The following CCDC15 variants were observed in gnomAD, a reference collection of about 807,000 sequenced individuals.
The protein encoded by CCDC15 is coiled-coil domain-containing protein 15.
In CCDC15, 105 loss-of-function variants were observed where a neutral mutation model predicts 114.5. The ratio of observed to expected loss-of-function variants is 0.92; its 90% CI spans 0.78 to 1.08. The LOEUF is 1.08. Ranked by LOEUF, CCDC15 falls within the 50% of genes least tolerant of loss-of-function variation. The probability of loss-of-function intolerance (pLI) is 0.00; values close to 1 mark genes in which losing one functional copy is unlikely to be tolerated. For missense variants in CCDC15, 1,105 were observed against 1,093.6 expected (o/e 1.01, Z -0.15); for synonymous variants, 334 against 377.8 (o/e 0.88, Z 1.34).
intron 4 of CCDC15, among the ~76,000 whole-genome samples, chr11:124,970,979 A>G (rs2135450714): frequency 6.6e-6 from 1 of 152,282 alleles, no homozygotes; most frequent in South Asian, 2.1e-4. Context: ...TGGTGTGCAG[A>G]AGACATTGCA....
chr11:125,006,977 G>A (rs1948557299), intron 13 of CCDC15, among the ~76,000 whole-genome samples: 1 of 152,004 alleles, frequency 6.6e-6, no homozygotes, highest in African/African-American at 2.4e-5. Flanking sequence ...ATATTTATGG[G>A]ATACATGTAA....
At chr11:125,013,038 A>G (rs1266294057) in intron 13 of CCDC15, among the ~76,000 whole-genome samples, 1 of 152,218 alleles carries the variant, frequency 6.6e-6, no homozygotes, top group African/African-American at 2.4e-5. Flanking sequence ...TATGTAAAGT[A>G]CTTAACATTG....
In CCDC15 at chr11:124,988,072, C is replaced by A; in HGVS notation, c.1846C>A (p.Leu616Ile). The change falls in exon 8 of 16, where the codon CTC becomes ATC. Residue 616 changes from leucine to isoleucine, a missense_variant. Coordinates refer to ENST00000344762, the MANE Select transcript of CCDC15 (RefSeq NM_025004.3). The stretch of plus-strand genomic sequence containing the variant: ...TTTTCTACCCAGAGACCTGCATGTT[C>A]TCTCCAACGACCAGAATATTCTACC... Reference protein sequence around the residue: ...RDFLPRDLHVLSNDQNILPKC... With the variant: ...RDFLPRDLHVISNDQNILPKC... 1.9e-6 allele frequency: 3 copies of A among 1,613,972 alleles called. No homozygotes were observed. The South Asian group carries it at 3.3e-5, about 18-fold the overall frequency.
intron 3 of CCDC15, 88 bp from the exon 4 acceptor site, chr11:124,959,727 T>TAAAAAAAAAAG: frequency 1.3e-6 from 1 of 766,206 alleles, no homozygotes; most frequent in Non-Finnish European, 1.8e-6. Flanking sequence ...CACCCCAATT[T>TAAAAAAAAAAG]AAAATCTTCT....
In CCDC15 at chr11:124,982,449, A is replaced by T. The variant is rs566960723; in HGVS notation, c.754-4293A>T. Among the ~76,000 whole-genome samples the T allele has an allele frequency of 9.2e-5, 14 of 151,834 alleles. No homozygotes were observed. In the East Asian group the frequency reaches 2.5e-3, roughly 27 times the overall value. On this transcript the variant is annotated intron_variant, in intron 6 of 15. Transcript: ENST00000344762. ...ATAGTCTTTCCTTTCCATATTTAGC[A>T]CTCTCTGCAGCACCTCTTGTAAGGC...
At chr11:125,038,652 G>A in intron 14 of CCDC15, 48 bp downstream of exon 14, 1 of 1,400,914 alleles carries the variant, frequency 7.1e-7, no homozygotes, top group African/African-American at 1.5e-5. Context: ...AAGAGACTTG[G>A]TAGAACTCAT....
At chr11:125,025,674 A>G (rs1948697474) in intron 13 of CCDC15, among the ~76,000 whole-genome samples, 1 of 151,900 alleles carries the variant, frequency 6.6e-6, no homozygotes, top group East Asian at 1.9e-4. Context: ...AGAATTTGTC[A>G]TTTCATCTAA....
rs114131142 is a variant in CCDC15 at position 124,985,990 on chromosome 11, C to T, written c.754-752C>T. Among the ~76,000 whole-genome samples, 902 of 152,020 alleles carry T rather than the reference C, an allele frequency of 5.9e-3. 15 individuals are homozygous for T. Among genetic ancestry groups the T allele is most frequent in the African/African-American group, 0.02 (815 of 41,502 alleles). On this transcript the variant is annotated intron_variant, in intron 6 of 15. Coordinates refer to ENST00000344762, the MANE Select transcript of CCDC15 (RefSeq NM_025004.3). Reference sequence around the variant, plus strand: ...TCTTTTAAGATTTTATAGTTTTTAGCTCTTAATTTTAGGTCTGTGATCCAT... The same window carrying T: ...TCTTTTAAGATTTTATAGTTTTTAGTTCTTAATTTTAGGTCTGTGATCCAT...
intron 12 of CCDC15, among the ~76,000 whole-genome samples, chr11:125,004,607 A>G (rs1948529970): frequency 6.6e-6 from 1 of 152,080 alleles, no homozygotes; most frequent in African/African-American, 2.4e-5. Context: ...CAGATCACAC[A>G]CAGTCTAGTA....
intron 13 of CCDC15, among the ~76,000 whole-genome samples, chr11:125,009,227 C>A (rs1948573085): frequency 7.2e-6 from 1 of 138,850 alleles, no homozygotes; most frequent in Non-Finnish European, 1.6e-5. Context: ...AACTCCGTCT[C>A]AAAAAAAAAA....
rs1948303238 is a variant in CCDC15, at chr11:124,993,300, TAGTG to T, written c.2214+61_2214+64del. 5 of 1,159,708 alleles carry T rather than the reference TAGTG, an allele frequency of 4.3e-6. No homozygotes were observed. The South Asian group carries it at 6.5e-5, about 15-fold the overall frequency. 71.8% of individuals were successfully genotyped at this position (1,159,708 alleles called of 1,614,324 possible). A position where few individuals can be genotyped will look rare whatever the true frequency, so the allele number is the denominator to read the frequency against. On this transcript the variant is annotated intron_variant, in intron 11 of 15. Transcript: ENST00000344762. The stretch of plus-strand genomic sequence containing the variant: ...TCTTCTAGAGAAGTAGAGCAGAATA[TAGTG>T]AGTAAGTAACAGAGTGTAAATTGCT...
intron 4 of CCDC15, among the ~76,000 whole-genome samples, chr11:124,970,351 CAAAAG>C (rs1184440694): frequency 6.6e-6 from 1 of 152,096 alleles, no homozygotes; most frequent in Non-Finnish European, 1.5e-5. Flanking sequence ...GCAATTGTGA[CAAAAG>C]AAAGATAATG....
chr11:125,004,613 T>C (rs964350325), intron 12 of CCDC15, among the ~76,000 whole-genome samples: 1 of 152,086 alleles, frequency 6.6e-6, no homozygotes, highest in Non-Finnish European at 1.5e-5. Context: ...ACACACAGTC[T>C]AGTAGCACTT....
chr11:125,012,572 C>T (rs746117355), intron 13 of CCDC15, among the ~76,000 whole-genome samples: 5 of 151,992 alleles, frequency 3.3e-5, no homozygotes, highest in Admixed American at 2.6e-4. Context: ...AAGGGATTAA[C>T]GATTTTATCT....
At chr11:124,998,760 C>CA (rs1948421197) in intron 11 of CCDC15, among the ~76,000 whole-genome samples, 1 of 131,362 alleles carries the variant, frequency 7.6e-6, no homozygotes, top group African/African-American at 3.0e-5. Flanking sequence ...TTTTTGGAGA[C>CA]AGAGTCTCAC....
At chr11:125,034,254 TCAGTGTCCC>T (rs1184709262) in intron 13 of CCDC15, among the ~76,000 whole-genome samples, 1 of 152,182 alleles carries the variant, frequency 6.6e-6, no homozygotes, top group East Asian at 1.9e-4. Flanking sequence ...GTTTACAAGC[TCAGTGTCCC>T]CAGTGTCATC....
rs553979172 is a variant in CCDC15, at chr11:124,976,664, T to A, written c.631-814T>A. On this transcript the variant is annotated intron_variant, in intron 5 of 15. Coordinates refer to ENST00000344762, the MANE Select transcript of CCDC15 (RefSeq NM_025004.3). Reference sequence around the variant, plus strand: ...GTTATCAGATCTTAGAGATGGATATTTATATTGCTTGGAACATGCTCAGAC... The same window carrying A: ...GTTATCAGATCTTAGAGATGGATATATATATTGCTTGGAACATGCTCAGAC... Among the ~76,000 whole-genome samples, 9 of 152,148 alleles carry A rather than the reference T, an allele frequency of 5.9e-5. No individual in the cohort carries two copies. The South Asian group carries it at 1.2e-3, about 21-fold the overall frequency.
In CCDC15 at chr11:125,029,709, C is replaced by T. The variant is rs181842267; in HGVS notation, c.2412-8722C>T. On this transcript the variant is annotated intron_variant, in intron 13 of 15. Coordinates refer to ENST00000344762, the MANE Select transcript of CCDC15 (RefSeq NM_025004.3). ...TTCTCTTTGCCTTCAGCAAGCACCT[C>T]GGAGAGTCTTGGTTTTTTTCCTGGT... Among the ~76,000 whole-genome samples, 196 of 152,312 alleles carry T rather than the reference C, an allele frequency of 1.3e-3. 1 individual carries two copies. The highest frequency in any genetic ancestry group is 3.4e-3 in the Middle Eastern group (1 of 294).
intron 4 of CCDC15, among the ~76,000 whole-genome samples, chr11:124,964,853 G>A (rs1947742835): frequency 6.6e-6 from 1 of 152,134 alleles, no homozygotes; most frequent in Non-Finnish European, 1.5e-5. Context: ...AGCATGAAGG[G>A]CTGTTGAATT....
Sources: gnomAD v4.1 joint callset for allele counts (sites outside exome capture counted in the v4.1 genomes callset) on GRCh38, gnomAD v4.1.1 for gene constraint, MANE v1.5 for transcripts, NCBI Gene and HGNC (gene_info 2026-07-23, HGNC 2026-07-21) for gene names.